Variants in CACNA1C observed in about 807,000 individuals in gnomAD.
The protein encoded by CACNA1C is voltage-dependent L-type calcium channel subunit alpha-1C.
In CACNA1C, 30 loss-of-function variants were observed where a neutral mutation model predicts 229.0. The observed-to-expected ratio is 0.13, with a 90% CI of 0.10 to 0.18. CACNA1C has a LOEUF of 0.18. CACNA1C is among the 10% of genes least tolerant of loss of function. CACNA1C has a pLI of 1.00. For missense variants in CACNA1C, 1,658 were observed against 2,845.0 expected (o/e 0.58, Z 9.49); for synonymous variants, 1,114 against 1,132.5 (o/e 0.98, Z 0.33).
intron 1 of CACNA1C, among the ~76,000 whole-genome samples, chr12:2,000,622 A>C (rs1228977120): frequency 6.6e-6 from 1 of 152,234 alleles, no homozygotes; most frequent in Non-Finnish European, 1.5e-5. Context: ...AAAGAATATG[A>C]GTTTGTTCAT....
At chr12:2,219,456 A>G (rs1048306284) in intron 3 of CACNA1C, among the ~76,000 whole-genome samples, 3 of 152,082 alleles carry the variant, frequency 2.0e-5, no homozygotes, top group Admixed American at 2.0e-4. Context: ...CTCTTTTCTT[A>G]TTTTACCTGG....
At chr12:2,071,407 G>C (rs1298043210) in intron 1 of CACNA1C, among the ~76,000 whole-genome samples, 2 of 151,584 alleles carry the variant, frequency 1.3e-5, no homozygotes, top group African/African-American at 2.4e-5. Flanking sequence ...TAGTAGAGAT[G>C]AGATGAGGTC....
chr12:2,075,193 A>G (rs2062745175), intron 1 of CACNA1C, among the ~76,000 whole-genome samples: 1 of 152,200 alleles, frequency 6.6e-6, no homozygotes, highest in Non-Finnish European at 1.5e-5. Flanking sequence ...GATGATTGCA[A>G]GGGATGATAG....
chr12:2,407,999 C>T (rs1267452480), intron 3 of CACNA1C, among the ~76,000 whole-genome samples: 1 of 152,240 alleles, frequency 6.6e-6, no homozygotes, highest in African/African-American at 2.4e-5. Context: ...CCTCAACGTC[C>T]ATCCTCATCA....
chr12:2,198,765 G>A (rs2097497392), intron 3 of CACNA1C, among the ~76,000 whole-genome samples: 1 of 152,158 alleles, frequency 6.6e-6, no homozygotes, highest in Admixed American at 6.5e-5. Context: ...GCTGTCACCT[G>A]GTGGCTGCTG....
intron 3 of CACNA1C, among the ~76,000 whole-genome samples, chr12:2,179,474 T>A (rs2096766237): frequency 6.6e-6 from 1 of 152,222 alleles, no homozygotes; most frequent in Admixed American, 6.5e-5. Flanking sequence ...ACTTTTGAAG[T>A]CATCTAGCCC....
intron 3 of CACNA1C, among the ~76,000 whole-genome samples, chr12:2,273,722 G>A (rs1418185097): frequency 1.3e-5 from 2 of 152,238 alleles, no homozygotes; most frequent in African/African-American, 4.8e-5. Context: ...TGGGCTAAGA[G>A]AAGACGCTTG....
intron 1 of CACNA1C, among the ~76,000 whole-genome samples, chr12:2,099,904 A>G (rs2075675083): frequency 6.6e-6 from 1 of 152,270 alleles, no homozygotes; most frequent in East Asian, 1.9e-4. Context: ...ACACAGTGCT[A>G]TGAGATAGGC....
intron 3 of CACNA1C, among the ~76,000 whole-genome samples, chr12:2,282,178 C>T (rs1205176023): frequency 6.6e-6 from 1 of 152,136 alleles, no homozygotes; most frequent in African/African-American, 2.4e-5. Flanking sequence ...AGCCAAACTA[C>T]CGATTGGAGA....
chr12:2,451,434 C>A (rs1339344842), intron 4 of CACNA1C, among the ~76,000 whole-genome samples: 1 of 152,074 alleles, frequency 6.6e-6, no homozygotes, highest in Non-Finnish European at 1.5e-5. Context: ...CTTGCAGGGA[C>A]GAATTTTGTT....
At chr12:2,674,515 G>A (rs1244398744) in intron 38 of CACNA1C, 26 bp from the exon 39 acceptor site, 1 of 1,550,576 alleles carries the variant, frequency 6.4e-7, no homozygotes, top group Admixed American at 2.0e-5. Context: ...CCCACCAAGG[G>A]GCTGAGGATC....
At chr12:2,438,374 G>A (rs2099175420) in intron 3 of CACNA1C, among the ~76,000 whole-genome samples, 1 of 146,378 alleles carries the variant, frequency 6.8e-6, no homozygotes, top group African/African-American at 2.5e-5. Context: ...GGTGGTGGTG[G>A]TGATGGTGGT....
At chr12:1,996,650 A>C (rs1333469463) in intron 1 of CACNA1C, among the ~76,000 whole-genome samples, 4 of 43,438 alleles carry the variant, frequency 9.2e-5, no homozygotes, top group African/African-American at 2.6e-4. Context: ...AAAAAAAAAA[A>C]AAAAACAACA....
intron 5 of CACNA1C, among the ~76,000 whole-genome samples, chr12:2,463,168 C>T (rs944589914): frequency 6.6e-6 from 1 of 152,184 alleles, no homozygotes; most frequent in Non-Finnish European, 1.5e-5. Context: ...CTCAGCCTCC[C>T]AAAGTGCTGG....
intron 29 of CACNA1C, among the ~76,000 whole-genome samples, chr12:2,621,992 TG>T (rs2083494877): frequency 6.6e-6 from 1 of 152,024 alleles, no homozygotes; most frequent in East Asian, 1.9e-4. Flanking sequence ...CTTCAAGTCC[TG>T]GGAGAAGAGT....
rs979075681 is a variant in CACNA1C, at chr12:2,652,119, G to A, written c.4074+351G>A. ...TAAGGAACAAACCTGAAAAACACGG[G>A]CCTGGACAACCTGGTGACCGCTATG... On this transcript the variant is annotated intron_variant, in intron 32 of 46. Transcript: ENST00000399655. Among the ~76,000 whole-genome samples, 6 of 152,200 alleles carry A rather than the reference G, an allele frequency of 3.9e-5. No individual in the cohort carries two copies. In the East Asian group the frequency reaches 9.6e-4, roughly 24 times the overall value.
At position 2,598,775 on chromosome 12, in the gene CACNA1C, A is replaced by G. The variant is rs781064350; in HGVS notation, c.2853+1486A>G. 5.3e-5 allele frequency among the ~76,000 whole-genome samples: 8 copies of G among 152,078 alleles called. 1 individual carries two copies. The East Asian group carries it at 1.4e-3, about 26-fold the overall frequency. The stretch of plus-strand genomic sequence containing the variant: ...ATACAAATTGAATGGGGCAGTTTTT[A>G]TGTGCCTTCCCCTGTGTCCTTGTCC... On this transcript the variant is annotated intron_variant, in intron 21 of 46. Transcript: ENST00000399655.
chr12:1,976,338 T>G (rs2154461148), intron 1 of CACNA1C, among the ~76,000 whole-genome samples: 1 of 152,338 alleles, frequency 6.6e-6, no homozygotes, highest in South Asian at 2.1e-4. Flanking sequence ...TAAGATTCAG[T>G]GACCACATTA....
At chr12:2,012,792 T>C (rs545538597) in intron 1 of CACNA1C, among the ~76,000 whole-genome samples, 1 of 152,308 alleles carries the variant, frequency 6.6e-6, no homozygotes, top group East Asian at 1.9e-4. Flanking sequence ...CCTCTAGTAG[T>C]TGGGGAAAGC....
Sources: allele counts gnomAD v4.1 joint callset (sites outside exome capture counted in the v4.1 genomes callset), GRCh38; gene constraint gnomAD v4.1.1; transcripts MANE v1.5; gene names NCBI Gene and HGNC (gene_info 2026-07-23, HGNC 2026-07-21).